The following HIVEP2 variants were observed in gnomAD, a reference collection of about 807,000 sequenced individuals.
HIVEP2 encodes the protein HIVEP zinc finger 2.
In HIVEP2, 14 loss-of-function variants were observed where a neutral mutation model predicts 180.7. That is an observed-to-expected ratio of 0.08 (90% CI 0.05 to 0.12). HIVEP2 has a LOEUF of 0.12. HIVEP2 is among the 10% of genes least tolerant of loss of function. HIVEP2 has a pLI of 1.00. For synonymous variants in HIVEP2, 1,184 were observed against 1,136.4 expected (o/e 1.04, Z -0.84); for missense variants, 2,579 against 3,008.5 (o/e 0.86, Z 3.34).
At chr6:142,818,448 G>A (rs1267198216) in intron 2 of HIVEP2, among the ~76,000 whole-genome samples, 1 of 151,828 alleles carries the variant, frequency 6.6e-6, no homozygotes, top group African/African-American at 2.4e-5. Flanking sequence ...AGGCCAAAGC[G>A]GGTGGATCAC....
chr6:142,829,279 T>G (rs1775007954), intron 2 of HIVEP2, among the ~76,000 whole-genome samples: 1 of 152,182 alleles, frequency 6.6e-6, no homozygotes, highest in African/African-American at 2.4e-5. Flanking sequence ...TTACCAATGT[T>G]ATGTTCCAAA....
In HIVEP2 at chr6:142,859,296, C is replaced by T. The variant is rs141046613; in HGVS notation, c.-640-22249G>A. Among the ~76,000 whole-genome samples, 648 of 151,544 alleles carry T rather than the reference C, an allele frequency of 4.3e-3. 3 individuals are homozygous for T. The highest frequency in any genetic ancestry group is 0.015 in the African/African-American group (604 of 41,322). On this transcript the variant is annotated intron_variant, in intron 1 of 9. Transcript: ENST00000367603. Reference sequence around the variant, plus strand: ...CAGCCTGGGCAACAAAGGGAGACTCCGTCTCTACAAAAAATTAAAAAATGT... The same window carrying T: ...CAGCCTGGGCAACAAAGGGAGACTCTGTCTCTACAAAAAATTAAAAAATGT...
chr6:142,778,599 A>G (rs775805718), intron 3 of HIVEP2, among the ~76,000 whole-genome samples: 1 of 152,152 alleles, frequency 6.6e-6, no homozygotes, highest in East Asian at 1.9e-4. Flanking sequence ...CATTTACTAT[A>G]TATTTACCAT....
intron 1 of HIVEP2, among the ~76,000 whole-genome samples, chr6:142,884,963 A>G (rs1187990980): frequency 2.0e-5 from 3 of 152,180 alleles, no homozygotes; most frequent in Non-Finnish European, 4.4e-5. Context: ...TCACCTCCAG[A>G]TAGATACCCA....
In HIVEP2 at chr6:142,774,492, G is replaced by T. The variant is rs199829182; in HGVS notation, c.247C>A (p.Gln83Lys). The change falls in exon 5 of 10, where the codon CAA (glutamine) becomes AAA (lysine). Residue 83 changes from glutamine to lysine, a missense_variant. Gln to Lys is a moderately conservative substitution (Grantham distance 53). Transcript: ENST00000367603. This position sits in a 1 kb window ranked among gnomAD's most constrained non-coding sequence, Gnocchi z 5.1. ...GGACTCGGACGATGCGGTGGATATT[G>T]CTTCTCTGCGACTTGCTGCACCACT... The part of the protein sequence containing the change: ...SEVVQQVAEK[Q>K]YPPHRPSPYS... The T allele has an allele frequency of 1.5e-4, 246 of 1,614,162 alleles. No individual in the cohort carries two copies. Among genetic ancestry groups the T allele is most frequent in the Non-Finnish European group, 1.9e-4 (221 of 1,180,030 alleles).
At chr6:142,766,375 A>ATTTTGAAT (rs1775380443) in intron 6 of HIVEP2, among the ~76,000 whole-genome samples, 1 of 152,162 alleles carries the variant, frequency 6.6e-6, no homozygotes, top group Admixed American at 6.5e-5. Context: ...CTTCAAAATT[A>ATTTTGAAT]TTTTGAATTT....
At position 142,773,028 on chromosome 6, in the gene HIVEP2, T is replaced by C; in HGVS notation, c.1711A>G (p.Thr571Ala). ...RGSHSFDERMTGSDDVFYPGT... is the reference protein window; with the variant it reads ...RGSHSFDERMAGSDDVFYPGT... ...GGATAGAATACATCGTCGGAACCAG[T>C]CATCCTTTCATCAAATGAGTGACTT... Residue 571 changes from threonine (T) to alanine (A), a missense_variant, in exon 5 of 10, where the codon ACT (threonine) becomes GCT (alanine). This residue lies in a region of HIVEP2 where 524 missense variants were observed against 563.6 expected (regional missense o/e 0.93). Coordinates refer to ENST00000367603, the MANE Select transcript of HIVEP2 (RefSeq NM_006734.4). 4 of 1,614,198 alleles carry C rather than the reference T, an allele frequency of 2.5e-6. No homozygotes were observed. The highest frequency in any genetic ancestry group is 2.5e-6 in the Non-Finnish European group (3 of 1,180,026).
chr6:142,942,574 T>C (rs770695598), intron 1 of HIVEP2, among the ~76,000 whole-genome samples: 1 of 152,246 alleles, frequency 6.6e-6, no homozygotes, highest in Non-Finnish European at 1.5e-5. Context: ...ATTATTTTCC[T>C]ATGTGATAAT....
At chr6:142,934,559 G>T (rs1778008730) in intron 1 of HIVEP2, among the ~76,000 whole-genome samples, 1 of 152,172 alleles carries the variant, frequency 6.6e-6, no homozygotes. Context: ...CTACTGACAA[G>T]AAAATAAATT....
At position 142,752,919 on chromosome 6, in the gene HIVEP2, T is replaced by G; in HGVS notation, c.*188A>C. On this transcript the variant is annotated 3_prime_UTR_variant, in exon 10 of 10. Transcript: ENST00000367603. ...CAGACCCAATAGGTTAATTTCAAAT[T>G]TTGTTTTGGTCAGGCTCATGATGAC... 1 of 560,338 alleles carries G rather than the reference T, an allele frequency of 1.8e-6. No homozygotes were observed. Among genetic ancestry groups the G allele is most frequent in the Non-Finnish European group, 3.2e-6 (1 of 315,990 alleles). The allele number at this position is 560,338 out of a possible 1,614,324, so 34.7% of individuals were successfully genotyped here.
chr6:142,769,450 T>G, intron 5 of HIVEP2, 102 bp downstream of exon 5: 4 of 1,075,700 alleles, frequency 3.7e-6, no homozygotes, highest in Non-Finnish European at 5.4e-6. Flanking sequence ...CTGACCTTCA[T>G]TTTACTTGTA....
intron 1 of HIVEP2, among the ~76,000 whole-genome samples, chr6:142,912,590 G>C (rs1279604200): frequency 1.3e-5 from 2 of 152,224 alleles, no homozygotes; most frequent in Non-Finnish European, 1.5e-5. Context: ...ACAGCACCAG[G>C]TGAGTGGTGG....
chr6:142,874,370 C>A (rs1283282031), intron 1 of HIVEP2, among the ~76,000 whole-genome samples: 1 of 151,804 alleles, frequency 6.6e-6, no homozygotes, highest in African/African-American at 2.4e-5. Flanking sequence ...CAAAGATATA[C>A]CTGTTTAGTT....
At chr6:142,824,151 A>G (rs1440171819) in intron 2 of HIVEP2, among the ~76,000 whole-genome samples, 1 of 152,152 alleles carries the variant, frequency 6.6e-6, no homozygotes, top group African/African-American at 2.4e-5. Context: ...AGTATATATA[A>G]TTGCTTTTTT....
chr6:142,805,214 G>C (rs976072207), intron 2 of HIVEP2, among the ~76,000 whole-genome samples: 3 of 152,102 alleles, frequency 2.0e-5, no homozygotes, highest in Non-Finnish European at 4.4e-5. Context: ...AGAGCCAAAG[G>C]AGCCAGGAGG....
chr6:142,795,310 C>T (rs1450013930), intron 2 of HIVEP2, among the ~76,000 whole-genome samples: 1 of 152,088 alleles, frequency 6.6e-6, no homozygotes, highest in Non-Finnish European at 1.5e-5. Context: ...TGGAATCTCA[C>T]TTTCATTCTT....
At chr6:142,907,567 C>CAAAGTAGTGGGG in intron 1 of HIVEP2, among the ~76,000 whole-genome samples, 1 of 152,334 alleles carries the variant, frequency 6.6e-6, no homozygotes, top group Middle Eastern at 3.4e-3. Context: ...TTCCTTTTCA[C>CAAAGTAGTGGGG]CTCTGTAATT....
At chr6:142,768,580 G>A in intron 5 of HIVEP2, 44 bp from the exon 6 acceptor site, 1 of 1,593,660 alleles carries the variant, frequency 6.3e-7, no homozygotes, top group South Asian at 1.1e-5. Flanking sequence ...CTTTCTCCAA[G>A]ACACAGGAGC....
At chr6:142,776,371 T>C (rs1775699663) in intron 3 of HIVEP2, among the ~76,000 whole-genome samples, 180 bp from the exon 4 acceptor site, 1 of 152,180 alleles carries the variant, frequency 6.6e-6, no homozygotes, top group African/African-American at 2.4e-5. Context: ...AACCTTACAC[T>C]GACACTGTGA....
Sources: allele counts gnomAD v4.1 joint callset (sites outside exome capture counted in the v4.1 genomes callset), GRCh38; gene constraint gnomAD v4.1.1; regional missense constraint gnomAD v4.1.1; non-coding constraint Gnocchi (gnomAD v3.1); transcripts MANE v1.5; gene names NCBI Gene and HGNC (gene_info 2026-07-23, HGNC 2026-07-21).